GFPT1: variants seen among roughly 807,000 people sequenced by gnomAD.
The protein encoded by GFPT1 is glutamine--fructose-6-phosphate transaminase 1.
A neutral mutation model predicts 92.0 loss-of-function variants in GFPT1; 40 were observed. That is an observed-to-expected ratio of 0.43 (90% CI 0.34 to 0.57). The LOEUF (loss-of-function observed/expected upper bound fraction) is 0.57, where lower values mean the gene tolerates loss of function less well. Ranked by LOEUF, GFPT1 falls within the 20% of genes least tolerant of loss-of-function variation. The pLI is 0.02. For synonymous variants in GFPT1, 269 were observed against 280.6 expected, an observed-to-expected ratio of 0.96 and a Z score of 0.41; for missense variants, 448 against 869.1, an observed-to-expected ratio of 0.52 and a Z score of 6.09.
chr2:69,354,978 T>C (rs1028146749), intron 7 of GFPT1, among the ~76,000 whole-genome samples: 5 of 151,964 alleles, frequency 3.3e-5, no homozygotes, highest in Admixed American at 1.3e-4. Context: ...CACTCCAGCC[T>C]GGATGACAGA....
rs775489736 is a variant in GFPT1, at chr2:69,387,022, C to T, written c.7+43G>A. The T allele has an allele frequency of 2.7e-5, 39 of 1,453,438 alleles. No individual in the cohort carries two copies. In the East Asian group the frequency reaches 8.2e-4, roughly 30 times the overall value. 90.0% of individuals were successfully genotyped at this position (1,453,438 alleles called of 1,614,324 possible). A position where few individuals can be genotyped will look rare whatever the true frequency, so the allele number is the denominator to read the frequency against. Reference sequence around the variant, plus strand: ...CCTTAGCGGCACCCGCACCGCACCCCAGCGCCACCCGGCAACACGCCCCCC... The same window carrying T: ...CCTTAGCGGCACCCGCACCGCACCCTAGCGCCACCCGGCAACACGCCCCCC... On this transcript the variant is annotated intron_variant, in intron 1 of 19. Transcript: ENST00000357308.
chr2:69,336,635 T>TAAA (rs60462236), intron 15 of GFPT1, among the ~76,000 whole-genome samples: 1 of 140,304 alleles, frequency 7.1e-6, no homozygotes. Flanking sequence ...GACCCCATCT[T>TAAA]AAAAAAAAAA....
intron 16 of GFPT1, 107 bp from the exon 17 acceptor site, chr2:69,329,531 A>C: frequency 1.0e-6 from 1 of 980,256 alleles, no homozygotes. Flanking sequence ...CTGTGCTATC[A>C]ATCAGTATGG....
intron 1 of GFPT1, among the ~76,000 whole-genome samples, chr2:69,384,758 GAGAAAGAAGAA>G (rs919635263): frequency 7.0e-6 from 1 of 142,058 alleles, no homozygotes; most frequent in Admixed American, 7.1e-5. Context: ...AAGAAAGAGA[GAGAAAGAAGAA>G]AGAAAGAAAA....
chr2:69,369,494 G>T (rs1196318011), intron 3 of GFPT1, among the ~76,000 whole-genome samples: 1 of 152,140 alleles, frequency 6.6e-6, no homozygotes, highest in Non-Finnish European at 1.5e-5. Flanking sequence ...CTTTGATGGG[G>T]CATACATCTC....
At chr2:69,375,247 TATTTTA>T (rs761716047) in intron 1 of GFPT1, among the ~76,000 whole-genome samples, 7 of 128,002 alleles carry the variant, frequency 5.5e-5, no homozygotes, top group Non-Finnish European at 1.1e-4. Context: ...TCAAGCTGCT[TATTTTA>T]AAACTTCCTT....
intron 1 of GFPT1, among the ~76,000 whole-genome samples, chr2:69,375,433 G>A (rs892941368): frequency 6.6e-6 from 1 of 152,114 alleles, no homozygotes; most frequent in Non-Finnish European, 1.5e-5. Context: ...GCACATTGTT[G>A]ATACCCAACA....
At chr2:69,326,461 A>T (rs1407230177) in intron 19 of GFPT1, among the ~76,000 whole-genome samples, 7 of 152,360 alleles carry the variant, frequency 4.6e-5, no homozygotes, top group South Asian at 4.1e-4. Flanking sequence ...GTGCCAGTTC[A>T]CACAGAAAGA....
intron 1 of GFPT1, 130 bp downstream of exon 1, chr2:69,386,935 C>T (rs1672142987): frequency 1.3e-6 from 1 of 773,800 alleles, no homozygotes; most frequent in Non-Finnish European, 2.2e-6. Context: ...CCACTGGGCG[C>T]CCCTTGCCCA....
intron 12 of GFPT1, among the ~76,000 whole-genome samples, chr2:69,344,778 G>GGGTA (rs1671044089): frequency 6.6e-6 from 1 of 151,562 alleles, no homozygotes; most frequent in African/African-American, 2.4e-5. Context: ...TCAGTAGCCA[G>GGGTA]GGCTACAGGC....
Position 69,345,205 on chromosome 2 carries a change from G to A in GFPT1, c.1105+699C>T, listed in dbSNP as rs1292848074. ...CGGGAGGCAGCAGTTGCGGTGAGCCGAGATGGCACCACTGCACCCCAGCCT... is the reference window on the plus strand; with the variant it reads ...CGGGAGGCAGCAGTTGCGGTGAGCCAAGATGGCACCACTGCACCCCAGCCT... On this transcript the variant is annotated intron_variant, in intron 12 of 19. Transcript: ENST00000357308. Among the ~76,000 whole-genome samples the A allele has an allele frequency of 3.3e-5, 5 of 152,024 alleles. No individual in the cohort carries two copies. The South Asian group carries it at 6.2e-4, about 19-fold the overall frequency.
At chr2:69,379,333 G>A (rs1671952259) in intron 1 of GFPT1, among the ~76,000 whole-genome samples, 1 of 151,996 alleles carries the variant, frequency 6.6e-6, no homozygotes, top group African/African-American at 2.4e-5. Flanking sequence ...AGATCAGCCT[G>A]GGCAATACAG....
chr2:69,380,038 C>T (rs1220540508), intron 1 of GFPT1, among the ~76,000 whole-genome samples: 2 of 151,188 alleles, frequency 1.3e-5, no homozygotes, highest in African/African-American at 4.9e-5. Context: ...CTTCTACAAT[C>T]CTAAAAGCAC....
chr2:69,337,883 G>T lies in GFPT1; in HGVS notation c.1482+15C>A. ...ATGATTAAATAATCATCAGAGAAATGAGTCAAGAATTTACCTTTGTACTGG... is the reference window on the plus strand; with the variant it reads ...ATGATTAAATAATCATCAGAGAAATTAGTCAAGAATTTACCTTTGTACTGG... On this transcript the variant is annotated intron_variant, in intron 15 of 19. Coordinates refer to ENST00000357308, the MANE Select transcript of GFPT1 (RefSeq NM_001244710.2). 6 of 1,604,616 alleles carry T rather than the reference G, an allele frequency of 3.7e-6. No homozygotes were observed. Among genetic ancestry groups the T allele is most frequent in the Non-Finnish European group, 3.4e-6 (4 of 1,171,634 alleles).
intron 7 of GFPT1, among the ~76,000 whole-genome samples, chr2:69,355,215 C>T (rs1394868784): frequency 6.6e-5 from 10 of 151,958 alleles, no homozygotes; most frequent in Admixed American, 5.9e-4. Flanking sequence ...GTAGCTGGGA[C>T]TACAGGCATG....
intron 1 of GFPT1, among the ~76,000 whole-genome samples, chr2:69,385,382 C>G (rs997257108): frequency 2.6e-5 from 4 of 152,032 alleles, no homozygotes; most frequent in Non-Finnish European, 4.4e-5. Context: ...CGTACCACCA[C>G]GCCCAGCTAA....
At chr2:69,359,385 G>T in intron 4 of GFPT1, 59 bp from the exon 5 acceptor site, 2 of 971,784 alleles carry the variant, frequency 2.1e-6, no homozygotes, top group Non-Finnish European at 1.7e-6. Context: ...ATCTAAAATA[G>T]CTATTACTCT....
At chr2:69,365,210 G>A (rs1056304872) in intron 3 of GFPT1, among the ~76,000 whole-genome samples, 7 of 152,078 alleles carry the variant, frequency 4.6e-5, no homozygotes, top group South Asian at 2.1e-4. Flanking sequence ...GAGCACCACG[G>A]CTCATGCCTG....
At chr2:69,348,059 A>C in intron 11 of GFPT1, 112 bp downstream of exon 11, 1 of 874,164 alleles carries the variant, frequency 1.1e-6, no homozygotes, top group East Asian at 2.4e-5. Flanking sequence ...TTCACTAATC[A>C]TGTGGAAGAT....
Sources: gnomAD v4.1 joint callset for allele counts (sites outside exome capture counted in the v4.1 genomes callset) on GRCh38, gnomAD v4.1.1 for gene constraint, MANE v1.5 for transcripts, NCBI Gene and HGNC (gene_info 2026-07-23, HGNC 2026-07-21) for gene names.